The following TDP2 variants were observed in gnomAD, a reference collection of about 807,000 sequenced individuals.
The protein encoded by TDP2 is 5'-Tyr-DNA phosphodiesterase.
Under a neutral mutation model 42.8 loss-of-function variants are expected in TDP2, and 38 were observed. The ratio of observed to expected loss-of-function variants is 0.89; its 90% CI spans 0.68 to 1.16. The LOEUF (loss-of-function observed/expected upper bound fraction) is 1.16, where lower values mean the gene tolerates loss of function less well. TDP2 is among the 50% of genes most tolerant of loss of function. The pLI is 0.00. For missense variants in TDP2, 439 were observed against 439.3 expected (o/e 1.00, Z 0.01); for synonymous variants, 173 against 150.6 (o/e 1.15, Z -1.09).
intron 6 of TDP2, among the ~76,000 whole-genome samples, chr6:24,651,599 T>A (rs1218213837): frequency 6.7e-6 from 1 of 149,214 alleles, no homozygotes; most frequent in Non-Finnish European, 1.5e-5. Context: ...TAACAATTTT[T>A]TTTTTTTTTG....
intron 2 of TDP2, among the ~76,000 whole-genome samples, chr6:24,663,905 T>C (rs1389694193): frequency 6.6e-6 from 1 of 152,206 alleles, no homozygotes. Context: ...ATTTAATATT[T>C]AATGCAGCAA....
At chr6:24,661,361 C>A (rs944923688) in intron 2 of TDP2, among the ~76,000 whole-genome samples, 3 of 152,072 alleles carry the variant, frequency 2.0e-5, no homozygotes, top group African/African-American at 7.2e-5. Flanking sequence ...TTGGGTTATA[C>A]CAGATTTCAC....
Position 24,651,049 on chromosome 6 carries a change from T to C in TDP2, c.828A>G (p.Leu276=). 1 of 1,610,722 alleles carries C rather than the reference T, an allele frequency of 6.2e-7. No individual in the cohort carries two copies. Among genetic ancestry groups the C allele is most frequent in the Non-Finnish European group, 8.5e-7 (1 of 1,179,010 alleles). Residue 276 remains leucine, a synonymous_variant, in exon 7 of 7, where the codon TTA becomes TTG. Coordinates refer to ENST00000378198, the MANE Select transcript of TDP2 (RefSeq NM_016614.3). ...CCCAGACATCCACAATGTTGTTGGG[T>C]AAACCACCACATCTGGTAACCTGAA... ...RDREVTRCGG[L]PNNIVDVWEF...
In TDP2 at chr6:24,653,151, C is replaced by G; in HGVS notation, c.639G>C (p.Val213=). 1 of 1,613,956 alleles carries G rather than the reference C, an allele frequency of 6.2e-7. No individual in the cohort carries two copies. The highest frequency in any genetic ancestry group is 1.7e-5 in the Admixed American group (1 of 60,022). Residue 213 remains valine (V), a splice_region_variant and synonymous_variant, in exon 6 of 7, where the codon GTG becomes GTC. Transcript: ENST00000378198. ...GGCAAAGCTCATTTCCTGACACGTT[C>G]ACCTGCAGCAGGACAAACAGTCATT... The part of the protein sequence containing the change: ...KMMRNLLCVH[V]NVSGNELCLM...
At chr6:24,654,662 T>A in intron 4 of TDP2, 132 bp from the exon 5 acceptor site, 2 of 580,384 alleles carry the variant, frequency 3.4e-6, no homozygotes, top group Non-Finnish European at 6.0e-6. Flanking sequence ...ATCTTTAAAC[T>A]ATTATTTCAA....
intron 2 of TDP2, chr6:24,666,077 G>T (rs1415653819): frequency 1.3e-6 from 2 of 1,532,998 alleles, no homozygotes; most frequent in South Asian, 1.2e-5. Context: ...TGAAATAACA[G>T]GAGTAGGTGT....
In TDP2 at chr6:24,654,449, G is replaced by A; in HGVS notation, c.599C>T (p.Pro200Leu). The change falls in exon 5 of 7, where the codon CCA becomes CTA. Residue 200 changes from proline to leucine, a missense_variant. Transcript: ENST00000378198. ...AAGGTTTCTCATCATTTTGGTACTTGGAAAAGGAATAATCTCTTGGCTTTT... is the reference window on the plus strand; with the variant it reads ...AAGGTTTCTCATCATTTTGGTACTTAGAAAAGGAATAATCTCTTGGCTTTT... ...KLKSQEIIPF[P>L]STKMMRNLLC... 1 of 1,578,062 alleles carries A rather than the reference G, an allele frequency of 6.3e-7. No individual in the cohort carries two copies. Among genetic ancestry groups the A allele is most frequent in the African/African-American group, 1.4e-5 (1 of 73,644 alleles).
chr6:24,654,661 C>T (rs545547677), intron 4 of TDP2, 131 bp from the exon 5 acceptor site: 28 of 581,190 alleles, frequency 4.8e-5, no homozygotes, highest in South Asian at 4.5e-4. Flanking sequence ...AATCTTTAAA[C>T]TATTATTTCA....
Position 24,650,582 on chromosome 6 carries a change from G to C in TDP2, c.*206C>G. On this transcript the variant is annotated 3_prime_UTR_variant, in exon 7 of 7. Transcript: ENST00000378198. ...AGGCTTTGTGCCCTTTTTATTAAAT[G>C]GCCTCACATCCTGAATGCAGGAATG... 1.8e-6 allele frequency: 1 copy of C among 568,500 alleles called. No individual in the cohort carries two copies. The highest frequency in any genetic ancestry group is 3.0e-6 in the Non-Finnish European group (1 of 330,512). 35.2% of individuals were successfully genotyped at this position (568,500 alleles called of 1,614,324 possible).
intron 2 of TDP2, among the ~76,000 whole-genome samples, chr6:24,660,453 A>T (rs1778122815): frequency 6.6e-6 from 1 of 152,212 alleles, no homozygotes; most frequent in Admixed American, 6.5e-5. Flanking sequence ...ACTGTAACAC[A>T]ATGGCACTTA....
intron 1 of TDP2, 22 bp from the exon 2 acceptor site, chr6:24,666,633 G>C (rs780767326): frequency 6.2e-7 from 1 of 1,614,092 alleles, no homozygotes; most frequent in Non-Finnish European, 8.5e-7. Flanking sequence ...AGGCACAAGG[G>C]ATGAGGTTTG....
At chr6:24,656,044 T>C (rs1259987922) in intron 4 of TDP2, among the ~76,000 whole-genome samples, 2 of 152,028 alleles carry the variant, frequency 1.3e-5, no homozygotes, top group East Asian at 3.9e-4. Context: ...AGGTCTAACA[T>C]GACATGATGG....
At chr6:24,662,540 C>T (rs1001286065) in intron 2 of TDP2, among the ~76,000 whole-genome samples, 1 of 152,104 alleles carries the variant, frequency 6.6e-6, no homozygotes, top group African/African-American at 2.4e-5. Context: ...CCTTTGCTCA[C>T]GTTTTCCTGC....
intron 2 of TDP2, 147 bp downstream of exon 2, chr6:24,666,379 A>G: frequency 7.1e-7 from 1 of 1,405,224 alleles, no homozygotes; most frequent in Non-Finnish European, 9.8e-7. Flanking sequence ...AGCAGCAGCA[A>G]CGCAAGCCCT....
At chr6:24,656,295 A>T (rs909062759) in intron 4 of TDP2, among the ~76,000 whole-genome samples, 1 of 152,168 alleles carries the variant, frequency 6.6e-6, no homozygotes, top group Non-Finnish European at 1.5e-5. Flanking sequence ...TAGGAGAATA[A>T]GAGAAAGTTA....
At chr6:24,658,462 A>C in intron 3 of TDP2, 99 bp downstream of exon 3, 1 of 899,370 alleles carries the variant, frequency 1.1e-6, no homozygotes, top group Non-Finnish European at 1.6e-6. Flanking sequence ...TCAGAGCTGG[A>C]CATTGAACTT....
intron 2 of TDP2, among the ~76,000 whole-genome samples, chr6:24,663,430 C>G (rs967060577): frequency 6.6e-6 from 1 of 152,228 alleles, no homozygotes; most frequent in African/African-American, 2.4e-5. Context: ...CTCTTATTCA[C>G]TATGCCATCC....
rs563318918 is a variant in TDP2 at position 24,657,787 on chromosome 6, C to G, written c.517+25G>C. 3.7e-6 allele frequency: 5 copies of G among 1,360,236 alleles called. No individual in the cohort carries two copies. In the African/African-American group the frequency reaches 7.4e-5, roughly 20 times the overall value. The allele number at this position is 1,360,236 out of a possible 1,614,324, so 84.3% of individuals were successfully genotyped here. ...ACTGATCTGTTTTTCAAAGAAAAGA[C>G]AAGTTGAATAACAAAAATTGTTACC... On this transcript the variant is annotated intron_variant, in intron 4 of 6. Transcript: ENST00000378198.
At chr6:24,658,291 T>C (rs796447526) in intron 3 of TDP2, among the ~76,000 whole-genome samples, 32 of 152,312 alleles carry the variant, frequency 2.1e-4, no homozygotes, top group African/African-American at 7.5e-4. Context: ...GGGGCACAAA[T>C]AGATCTTTTT....
Sources: gnomAD v4.1 joint callset for allele counts (sites outside exome capture counted in the v4.1 genomes callset) on GRCh38, gnomAD v4.1.1 for gene constraint, MANE v1.5 for transcripts, NCBI Gene and HGNC (gene_info 2026-07-23, HGNC 2026-07-21) for gene names.